PDE4DIP: variants seen among roughly 807,000 people sequenced by gnomAD.
PDE4DIP encodes phosphodiesterase 4D interacting protein, also known as myomegalin.
In PDE4DIP, 59 loss-of-function variants were observed where a neutral mutation model predicts 221.4. The observed-to-expected ratio is 0.27, with a 90% confidence interval of 0.22 to 0.33. The LOEUF (loss-of-function observed/expected upper bound fraction) is 0.33, where lower values mean the gene tolerates loss of function less well. Ranked by LOEUF, PDE4DIP falls within the 10% of genes least tolerant of loss-of-function variation. The pLI is 1.00. For synonymous variants in PDE4DIP, 404 were observed against 815.9 expected (o/e 0.50, Z 8.60); for missense variants, 1,036 against 2,154.2 (o/e 0.48, Z 10.28).
chr1:148,890,777 T>A (rs1445189197), intron 1 of PDE4DIP, among the ~76,000 whole-genome samples: 4 of 94,514 alleles, frequency 4.2e-5, no homozygotes, highest in Admixed American at 1.1e-4. Flanking sequence ...AAAAAAAAAA[T>A]TCGTACCAAA....
In PDE4DIP at chr1:148,967,734, G is replaced by C. The variant is rs1185648570; in HGVS notation, c.1614G>C (p.Glu538Asp). 1.9e-6 allele frequency: 3 copies of C among 1,571,078 alleles called. No individual in the cohort carries two copies. The African/African-American group carries it at 4.1e-5, about 21-fold the overall frequency. ...TCTCTTTATGGCTGTAGAGTATGGA[G>C]AGTCTCCTGAGGGCCAAAGGCCTGG... The change falls in exon 13 of 44, where the codon GAG becomes GAC. Residue 538 changes from glutamate (E) to aspartate (D), a missense_variant. Coordinates refer to ENST00000369354, the Ensembl canonical transcript of PDE4DIP.
At chr1:148,858,216 CA>C (rs1462884781) in intron 1 of PDE4DIP, among the ~76,000 whole-genome samples, 1 of 26,650 alleles carries the variant, frequency 3.8e-5, no homozygotes, top group Non-Finnish European at 6.4e-5. Context: ...GTACTTTAAC[CA>C]CAGGGTATAT....
exon 41 of PDE4DIP, chr1:149,028,573 A>G (rs1553632365): frequency 1.1e-5 from 17 of 1,610,876 alleles, no homozygotes; most frequent in Non-Finnish European, 1.4e-5. Flanking sequence ...CTAGGCAGCA[A>G]AGGTATTCAT....
intron 23 of PDE4DIP, among the ~76,000 whole-genome samples, chr1:149,000,967 C>T (rs1553575027): frequency 1.3e-5 from 2 of 150,286 alleles, no homozygotes; most frequent in African/African-American, 4.9e-5. Context: ...TTTATTTCTT[C>T]AACAAATATG....
rs1484504270 is a variant in PDE4DIP at position 148,989,519 on chromosome 1, C to A, written c.2816-2366C>A. 4 of 201,772 alleles carry A rather than the reference C, an allele frequency of 2.0e-5. No homozygotes were observed. The Admixed American group carries it at 2.5e-4, about 13-fold the overall frequency. 12.5% of individuals were successfully genotyped at this position (201,772 alleles called of 1,614,324 possible). ...AGTGTCAGATAAAAACCTTCAAGAC[C>A]AGTGATAGTCACCCTTTCCAATTCT... is the stretch of plus-strand genomic sequence containing the variant. On this transcript the variant is annotated intron_variant, in intron 21 of 43. Coordinates refer to ENST00000369354, the Ensembl canonical transcript of PDE4DIP.
chr1:149,007,388 G>A (rs149205732), exon 28 of PDE4DIP: 119 of 965,898 alleles, frequency 1.2e-4, no homozygotes, highest in African/African-American at 9.9e-4. Context: ...GGAGCAACTC[G>A]CCCAGGGAAG....
chr1:148,970,576 G>T lies in PDE4DIP; in HGVS notation c.1980+1546G>T, dbSNP rs587743431. ...TAGCTTTTTAAAGATGTAGATTGTG[G>T]AGCTCAACTCCAGAGAAAGAAATTA... On this transcript the variant is annotated intron_variant, in intron 14 of 43. Coordinates refer to ENST00000369354, the Ensembl canonical transcript of PDE4DIP. Among the ~76,000 whole-genome samples, 19 of 151,210 alleles carry T rather than the reference G, an allele frequency of 1.3e-4. No individual in the cohort carries two copies. The East Asian group carries it at 2.9e-3, about 23-fold the overall frequency.
chr1:148,988,031 T>G (rs2062221524), intron 21 of PDE4DIP, among the ~76,000 whole-genome samples: 1 of 152,218 alleles, frequency 6.6e-6, no homozygotes, highest in Admixed American at 6.5e-5. Context: ...TCCAAAGAGT[T>G]CAGCCAAAGA....
intron 20 of PDE4DIP, among the ~76,000 whole-genome samples, chr1:148,980,991 G>C (rs1168799251): frequency 6.6e-6 from 1 of 152,230 alleles, no homozygotes; most frequent in Non-Finnish European, 1.5e-5. Flanking sequence ...TGGGCTATAG[G>C]GGTGTGAGAT....
At chr1:148,824,273 G>A (rs61810679) in intron 1 of PDE4DIP, among the ~76,000 whole-genome samples, 2,150 of 148,762 alleles carry the variant, frequency 0.014, 28 homozygotes, top group African/African-American at 0.051. Flanking sequence ...TCAGACTCAC[G>A]CACACGGTAT....
intron 5 of PDE4DIP, among the ~76,000 whole-genome samples, chr1:148,944,229 G>T (rs2051109171): frequency 6.6e-6 from 1 of 152,204 alleles, no homozygotes; most frequent in Non-Finnish European, 1.5e-5. Flanking sequence ...AAGGCAGCTT[G>T]GAGGAAATAC....
At chr1:149,014,127 G>C (rs1430379107) in intron 32 of PDE4DIP, among the ~76,000 whole-genome samples, 5 of 144,894 alleles carry the variant, frequency 3.5e-5, no homozygotes, top group African/African-American at 1.3e-4. Context: ...TGGGTACTTT[G>C]TCTAATGCAG....
chr1:148,912,068 C>T (rs1240124097), intron 1 of PDE4DIP, among the ~76,000 whole-genome samples: 5 of 145,174 alleles, frequency 3.4e-5, no homozygotes, highest in African/African-American at 5.2e-5. Context: ...GGGAGCCACA[C>T]GGTAGTTTGT....
exon 32 of PDE4DIP, chr1:149,012,739 G>A (rs781985076): frequency 2.5e-6 from 4 of 1,612,184 alleles, no homozygotes; most frequent in Non-Finnish European, 3.4e-6. Context: ...CTGAGGCTCA[G>A]CAGGAGCTAC....
chr1:148,986,051 T>G (rs1277249524), intron 21 of PDE4DIP: 1 of 152,208 alleles, frequency 6.6e-6, no homozygotes, highest in African/African-American at 2.4e-5. Context: ...CCATGAAGTC[T>G]TACTAGTTTT....
intron 1 of PDE4DIP, among the ~76,000 whole-genome samples, chr1:148,823,756 G>T (rs1553363130): frequency 2.7e-5 from 4 of 150,440 alleles, no homozygotes; most frequent in Middle Eastern, 3.4e-3. Flanking sequence ...AGCAAGAAGG[G>T]TTTTCATTGT....
chr1:149,013,788 T>A (rs2069425878), intron 32 of PDE4DIP, among the ~76,000 whole-genome samples: 2 of 90,842 alleles, frequency 2.2e-5, no homozygotes, highest in African/African-American at 9.9e-5. Context: ...CCTCTTTTTT[T>A]TTTTTTTTTT....
intron 1 of PDE4DIP, among the ~76,000 whole-genome samples, chr1:148,923,543 G>A (rs1339085794): frequency 1.4e-5 from 2 of 145,226 alleles, no homozygotes; most frequent in East Asian, 2.0e-4. Context: ...GCGCGATCTC[G>A]GCTCACTGCA....
At position 148,952,410 on chromosome 1, in the gene PDE4DIP, G is replaced by A. The variant is rs1193136467; in HGVS notation, c.637-8244G>A. ...CCCGAGGCTTTGCGTCTGCGCGGCC[G>A]GCCGCTGCTGCTCCGGGAGCCCAGT... On this transcript the variant is annotated intron_variant, in intron 5 of 43. Coordinates refer to ENST00000369354, the Ensembl canonical transcript of PDE4DIP. 24 of 1,083,320 alleles carry A rather than the reference G, an allele frequency of 2.2e-5. No homozygotes were observed. In the African/African-American group the frequency reaches 2.6e-4, roughly 12 times the overall value. The allele number at this position is 1,083,320 out of a possible 1,614,324, so 67.1% of individuals were successfully genotyped here.
Sources: gnomAD v4.1 joint callset for allele counts (sites outside exome capture counted in the v4.1 genomes callset) on GRCh38, gnomAD v4.1.1 for gene constraint, MANE v1.5 for transcripts, NCBI Gene and HGNC (gene_info 2026-07-23, HGNC 2026-07-21) for gene names.